Variants in CTNND2 observed in about 807,000 individuals in gnomAD.
The protein encoded by CTNND2 is catenin delta-2.
In CTNND2, 22 loss-of-function variants were observed where a neutral mutation model predicts 144.4. That is an observed-to-expected ratio of 0.15 (90% CI 0.11 to 0.22). The LOEUF (loss-of-function observed/expected upper bound fraction) is 0.22. Ranked by LOEUF, CTNND2 falls within the 10% of genes least tolerant of loss-of-function variation. The probability of loss-of-function intolerance (pLI) is 1.00; values close to 1 mark genes in which losing one functional copy is unlikely to be tolerated. For synonymous variants in CTNND2, 751 were observed against 695.6 expected (o/e 1.08, Z -1.25); for missense variants, 1,353 against 1,618.8 (o/e 0.84, Z 2.82).
In CTNND2 at chr5:11,904,051, C is replaced by A; in HGVS notation, c.-198G>T. ...AGAGGCGGCTCCCGACGCGAGTGCG[C>A]AGCGCCCGGCCCGGCGGCCCCTCCG... On this transcript the variant is annotated 5_prime_UTR_variant, in exon 1 of 22. Coordinates refer to ENST00000304623, the MANE Select transcript of CTNND2 (RefSeq NM_001332.4). The surrounding 1 kb of genome is among the most constrained non-coding windows in gnomAD (Gnocchi z 4.2). 2.7e-6 allele frequency: 1 copy of A among 373,610 alleles called. No individual in the cohort carries two copies. Among genetic ancestry groups the A allele is most frequent in the African/African-American group, 2.2e-5 (1 of 46,260 alleles). 23.1% of individuals were successfully genotyped at this position (373,610 alleles called of 1,614,324 possible). A position where few individuals can be genotyped will look rare whatever the true frequency, so the allele number is the denominator to read the frequency against.
At chr5:11,269,784 C>A (rs1580757254) in intron 9 of CTNND2, among the ~76,000 whole-genome samples, 1 of 152,178 alleles carries the variant, frequency 6.6e-6, no homozygotes, top group Non-Finnish European at 1.5e-5. Context: ...TAAAATCCCT[C>A]CCCCCTCAGA....
chr5:11,810,446 C>T (rs896565679), intron 1 of CTNND2, among the ~76,000 whole-genome samples: 6 of 149,184 alleles, frequency 4.0e-5, no homozygotes, highest in African/African-American at 1.2e-4. Context: ...TATAAGAAAA[C>T]ATTGAACCAT....
At chr5:11,664,779 T>C (rs1033902402) in intron 2 of CTNND2, among the ~76,000 whole-genome samples, 1 of 152,204 alleles carries the variant, frequency 6.6e-6, no homozygotes, top group Non-Finnish European at 1.5e-5. Context: ...CAGGGAAAGC[T>C]AGAATTGATA....
chr5:11,682,377 G>A (rs188162228), intron 2 of CTNND2, among the ~76,000 whole-genome samples: 85 of 152,274 alleles, frequency 5.6e-4, no homozygotes, highest in Middle Eastern at 3.4e-3. Context: ...TTCCACAGGC[G>A]TTCCAAACAC....
intron 9 of CTNND2, among the ~76,000 whole-genome samples, chr5:11,259,104 A>G (rs1390392517): frequency 6.6e-6 from 1 of 152,194 alleles, no homozygotes; most frequent in East Asian, 1.9e-4. Context: ...ACCCTTAATA[A>G]TATGGGTGAG....
At chr5:11,104,178 G>A (rs924230032) in intron 14 of CTNND2, among the ~76,000 whole-genome samples, 3 of 152,192 alleles carry the variant, frequency 2.0e-5, no homozygotes, top group African/African-American at 7.2e-5. Flanking sequence ...CATTACATAT[G>A]TGCAGGCTCA....
chr5:11,232,472 T>C (rs2083374423), intron 10 of CTNND2, among the ~76,000 whole-genome samples: 2 of 152,168 alleles, frequency 1.3e-5, no homozygotes, highest in Non-Finnish European at 2.9e-5. Context: ...TCAAAGGAGA[T>C]CATTTTGGAA....
chr5:11,373,692 A>C (rs1757663688), intron 7 of CTNND2, among the ~76,000 whole-genome samples: 1 of 152,200 alleles, frequency 6.6e-6, no homozygotes, highest in African/African-American at 2.4e-5. Flanking sequence ...CCAGGGGTCA[A>C]ACTAATAGAT....
chr5:11,205,204 T>C (rs1360196922), intron 10 of CTNND2, among the ~76,000 whole-genome samples: 1 of 152,162 alleles, frequency 6.6e-6, no homozygotes, highest in East Asian at 1.9e-4. Context: ...TAGCATATCA[T>C]ATATACACAC....
At chr5:10,975,394 G>GTGTT (rs1173109686) in intron 21 of CTNND2, among the ~76,000 whole-genome samples, 6 of 152,180 alleles carry the variant, frequency 3.9e-5, no homozygotes, top group African/African-American at 9.7e-5. Context: ...ATATTTATGT[G>GTGTT]TGTTTGTGTC....
rs79340242 is a variant in CTNND2, at chr5:11,177,089, T to G, written c.1976-17330A>C. 7.9e-3 allele frequency among the ~76,000 whole-genome samples: 1,206 copies of G among 152,346 alleles called. 9 individuals carry two copies. Among genetic ancestry groups the G allele is most frequent in the Admixed American group, 0.019 (290 of 15,302 alleles). ...CTAATGAGGTCCAGGTACATAATCTTGTGATTGAATGTTATGAACAGATGG... is the reference window on the plus strand; with the variant it reads ...CTAATGAGGTCCAGGTACATAATCTGGTGATTGAATGTTATGAACAGATGG... On this transcript the variant is annotated intron_variant, in intron 11 of 21. Transcript: ENST00000304623.
At chr5:11,676,773 G>A (rs760823400) in intron 2 of CTNND2, among the ~76,000 whole-genome samples, 2 of 151,950 alleles carry the variant, frequency 1.3e-5, no homozygotes, top group African/African-American at 4.8e-5. Flanking sequence ...TGTATTTTAC[G>A]TTCTACTGCA....
chr5:11,388,783 A>G (rs1036651667), intron 6 of CTNND2, among the ~76,000 whole-genome samples: 4 of 152,224 alleles, frequency 2.6e-5, no homozygotes, highest in African/African-American at 7.2e-5. Context: ...CCATCGTTGC[A>G]TTAGAGATAA....
intron 2 of CTNND2, among the ~76,000 whole-genome samples, chr5:11,626,322 C>T (rs1009642099): frequency 1.3e-5 from 2 of 152,124 alleles, no homozygotes; most frequent in Middle Eastern, 3.2e-3. Context: ...CTGATTACCT[C>T]ATTTAAAGTT....
intron 10 of CTNND2, among the ~76,000 whole-genome samples, chr5:11,203,003 T>A (rs1385921264): frequency 6.6e-6 from 1 of 151,964 alleles, no homozygotes; most frequent in African/African-American, 2.4e-5. Context: ...CGGGATTTCA[T>A]CATACTGGTC....
intron 3 of CTNND2, among the ~76,000 whole-genome samples, chr5:11,542,994 C>A (rs1377803527): frequency 1.3e-5 from 2 of 152,198 alleles, no homozygotes; most frequent in East Asian, 1.9e-4. Context: ...GATTGTCTGC[C>A]ATTGGATAAA....
At chr5:11,160,306 T>C (rs1005121268) in intron 11 of CTNND2, among the ~76,000 whole-genome samples, 4 of 152,230 alleles carry the variant, frequency 2.6e-5, no homozygotes, top group Non-Finnish European at 5.9e-5. Flanking sequence ...GTGACTGTTT[T>C]GTCAGCTTTT....
At chr5:11,129,689 C>T (rs1755368712) in intron 12 of CTNND2, among the ~76,000 whole-genome samples, 1 of 151,978 alleles carries the variant, frequency 6.6e-6, no homozygotes, top group Admixed American at 6.6e-5. Context: ...AATAGTGCTA[C>T]AGTTGGCATT....
intron 1 of CTNND2, among the ~76,000 whole-genome samples, chr5:11,869,784 A>G (rs1795939555): frequency 6.6e-6 from 1 of 152,222 alleles, no homozygotes; most frequent in Non-Finnish European, 1.5e-5. Flanking sequence ...TTTGTCCAAG[A>G]GGTACACTAG....
Sources: gnomAD v4.1 joint callset for allele counts (sites outside exome capture counted in the v4.1 genomes callset) on GRCh38, gnomAD v4.1.1 for gene constraint, Gnocchi (gnomAD v3.1) non-coding constraint, MANE v1.5 for transcripts, NCBI Gene and HGNC (gene_info 2026-07-23, HGNC 2026-07-21) for gene names.